STK39: variants seen among roughly 807,000 people sequenced by gnomAD.
STK39 encodes the protein STE20/SPS1-related proline-alanine-rich protein kinase.
A neutral mutation model predicts 77.8 loss-of-function variants in STK39; 20 were observed. That is an observed-to-expected ratio of 0.26 (90% CI 0.18 to 0.37). The LOEUF (loss-of-function observed/expected upper bound fraction) is 0.37. Ranked by LOEUF, STK39 falls within the 10% of genes least tolerant of loss-of-function variation. The probability of loss-of-function intolerance (pLI) is 1.00; values close to 1 mark genes in which losing one functional copy is unlikely to be tolerated. For missense variants in STK39, 479 were observed against 656.5 expected (o/e 0.73, Z 2.95); for synonymous variants, 246 against 234.1 (o/e 1.05, Z -0.47).
In STK39 at chr2:168,247,490, G is replaced by C. The variant is rs564045912; in HGVS notation, c.-55C>G. The C allele has an allele frequency of 1.4e-4, 173 of 1,255,026 alleles. No individual in the cohort carries two copies. In the African/African-American group the frequency reaches 2.6e-3, roughly 19 times the overall value. 77.7% of individuals were successfully genotyped at this position (1,255,026 alleles called of 1,614,324 possible). ...CCGGCCGACGGACGACCTTCCACTT[G>C]AAACTTCCTTTGCCTCGCCGCCGAC... On this transcript the variant is annotated 5_prime_UTR_variant, in exon 1 of 18. Transcript: ENST00000355999.
At chr2:168,094,686 C>T (rs959569368) in intron 10 of STK39, among the ~76,000 whole-genome samples, 4 of 152,148 alleles carry the variant, frequency 2.6e-5, no homozygotes, top group African/African-American at 9.7e-5. Flanking sequence ...GCATCCTCCA[C>T]TTGTTCCTGT....
At chr2:168,155,662 C>A (rs1688408602) in intron 5 of STK39, among the ~76,000 whole-genome samples, 1 of 152,010 alleles carries the variant, frequency 6.6e-6, no homozygotes. Context: ...TCTTCCTTAA[C>A]TTTAGCCTCA....
intron 5 of STK39, among the ~76,000 whole-genome samples, chr2:168,149,769 T>G (rs1168138305): frequency 6.6e-6 from 1 of 152,244 alleles, no homozygotes; most frequent in Non-Finnish European, 1.5e-5. Context: ...TGGCTTTTCA[T>G]GCCAGAAGCA....
chr2:168,011,672 G>C (rs75302886), intron 16 of STK39, among the ~76,000 whole-genome samples: 3,270 of 152,188 alleles, frequency 0.021, 104 homozygotes, highest in African/African-American at 0.073. Flanking sequence ...GTCTATGGGT[G>C]GTTGCTTGCT....
At chr2:167,961,457 T>C (rs1055838547) in intron 17 of STK39, among the ~76,000 whole-genome samples, 1 of 152,238 alleles carries the variant, frequency 6.6e-6, no homozygotes. Flanking sequence ...TTTTTTCTAA[T>C]GCAATTTCAA....
At position 168,140,294 on chromosome 2, in the gene STK39, T is replaced by C; in HGVS notation, c.835A>G (p.Met279Val). 6.2e-7 allele frequency: 1 copy of C among 1,612,534 alleles called. No homozygotes were observed. The highest frequency in any genetic ancestry group is 8.5e-7 in the Non-Finnish European group (1 of 1,178,586). Residue 279 changes from methionine (M) to valine (V), a missense_variant, in exon 7 of 18, where the codon ATG (methionine) becomes GTG (valine). Around this residue, in one of 3 missense-constraint regions of STK39, gnomAD observed 139 missense variants for 280.6 expected, o/e 0.50. Transcript: ENST00000355999. ...GTATTTCCAATTGTAATTACTTTCATGGGAGGATATTTGTGATAAGGCGCT... is the reference window on the plus strand; with the variant it reads ...GTATTTCCAATTGTAATTACTTTCACGGGAGGATATTTGTGATAAGGCGCT... Reference protein sequence around the residue: ...GAAPYHKYPPMKVLMLTLQND... With the variant: ...GAAPYHKYPPVKVLMLTLQND...
intron 16 of STK39, among the ~76,000 whole-genome samples, chr2:167,982,517 T>C (rs1683446806): frequency 6.6e-6 from 1 of 152,188 alleles, no homozygotes; most frequent in Non-Finnish European, 1.5e-5. Flanking sequence ...AGGAGGTATG[T>C]TTATATCACT....
At chr2:168,077,955 T>C (rs1310479233) in intron 10 of STK39, among the ~76,000 whole-genome samples, 2 of 151,828 alleles carry the variant, frequency 1.3e-5, no homozygotes, top group Non-Finnish European at 2.9e-5. Context: ...CACCCAACGA[T>C]GAGAATGGAG....
chr2:168,128,772 G>A (rs933862413), intron 10 of STK39, among the ~76,000 whole-genome samples: 3 of 152,186 alleles, frequency 2.0e-5, no homozygotes, highest in African/African-American at 7.2e-5. Context: ...TTACAGCACA[G>A]ACAACACAGA....
intron 10 of STK39, among the ~76,000 whole-genome samples, chr2:168,109,590 G>T (rs778999356): frequency 2.6e-5 from 4 of 152,132 alleles, no homozygotes; most frequent in Admixed American, 6.6e-5. Flanking sequence ...TAAAATTGTG[G>T]GGCTACAGGA....
At chr2:168,227,342 AG>A (rs1690334484) in intron 1 of STK39, among the ~76,000 whole-genome samples, 2 of 152,228 alleles carry the variant, frequency 1.3e-5, no homozygotes, top group Non-Finnish European at 2.9e-5. Flanking sequence ...AATAAAGACT[AG>A]TCATGCCAAA....
intron 8 of STK39, among the ~76,000 whole-genome samples, chr2:168,136,909 A>C (rs1687855574): frequency 6.6e-6 from 1 of 152,250 alleles, no homozygotes; most frequent in Non-Finnish European, 1.5e-5. Flanking sequence ...GTATGACAAA[A>C]TAATCATCCC....
intron 16 of STK39, among the ~76,000 whole-genome samples, chr2:167,986,712 G>A (rs1326356756): frequency 6.6e-6 from 1 of 152,188 alleles, no homozygotes; most frequent in African/African-American, 2.4e-5. Context: ...TAAGAAAACA[G>A]ACAAGAAAGG....
rs190929079 is a variant in STK39 at position 168,122,388 on chromosome 2, G to T, written c.1089+7153C>A. On this transcript the variant is annotated intron_variant, in intron 10 of 17. Transcript: ENST00000355999. ...TCTTGTTCTTTTTTATGGCTGTGTA[G>T]TATTCCATAGTGTATATGTACCACA... is the stretch of plus-strand genomic sequence containing the variant. Among the ~76,000 whole-genome samples, 876 of 152,250 alleles carry T rather than the reference G, an allele frequency of 5.8e-3. 9 individuals carry two copies. The highest frequency in any genetic ancestry group is 0.016 in the African/African-American group (662 of 41,536).
At chr2:168,044,201 A>G (rs375796003) in intron 14 of STK39, among the ~76,000 whole-genome samples, 1 of 152,230 alleles carries the variant, frequency 6.6e-6, no homozygotes, top group Non-Finnish European at 1.5e-5. Flanking sequence ...ACTGTTGAGT[A>G]TATCACGGGT....
At chr2:168,209,737 G>A (rs1028078936) in intron 1 of STK39, among the ~76,000 whole-genome samples, 1 of 152,104 alleles carries the variant, frequency 6.6e-6, no homozygotes. Context: ...GGAGGCTCAC[G>A]CCTGTAATCC....
chr2:167,977,754 C>T (rs1683318133), intron 16 of STK39, among the ~76,000 whole-genome samples: 1 of 152,096 alleles, frequency 6.6e-6, no homozygotes, highest in Non-Finnish European at 1.5e-5. Context: ...GGGTGTATGG[C>T]TGTAACTGCC....
At chr2:168,112,726 G>A (rs1018598010) in intron 10 of STK39, among the ~76,000 whole-genome samples, 9 of 151,972 alleles carry the variant, frequency 5.9e-5, no homozygotes, top group Admixed American at 2.6e-4. Flanking sequence ...TAATACCAGC[G>A]GTTTGGACCA....
intron 1 of STK39, among the ~76,000 whole-genome samples, chr2:168,221,656 C>T (rs1322185463): frequency 6.6e-6 from 1 of 152,128 alleles, no homozygotes; most frequent in Non-Finnish European, 1.5e-5. Flanking sequence ...AGTTACCACA[C>T]CTCCACCAGA....
Sources: allele counts gnomAD v4.1 joint callset (sites outside exome capture counted in the v4.1 genomes callset), GRCh38; gene constraint gnomAD v4.1.1; regional missense constraint gnomAD v4.1.1; transcripts MANE v1.5; gene names NCBI Gene and HGNC (gene_info 2026-07-23, HGNC 2026-07-21).